The following RELN variants were observed in gnomAD, a reference collection of about 807,000 sequenced individuals.
RELN encodes reelin.
In RELN, 108 loss-of-function variants were observed where a neutral mutation model predicts 427.6. The ratio of observed to expected loss-of-function variants is 0.25; its 90% CI spans 0.22 to 0.30. The LOEUF (loss-of-function observed/expected upper bound fraction) is 0.30. RELN is among the 10% of genes least tolerant of loss of function. The pLI, the probability that RELN is intolerant of heterozygous loss-of-function variation, is 1.00. For synonymous variants in RELN, 1,524 were observed against 1,513.4 expected, an observed-to-expected ratio of 1.01 and a Z score of -0.16; for missense variants, 3,715 against 4,302.8, an observed-to-expected ratio of 0.86 and a Z score of 3.82.
At chr7:103,515,472 G>C in intron 49 of RELN, 31 bp from the exon 50 acceptor site, 1 of 1,609,602 alleles carries the variant, frequency 6.2e-7, no homozygotes, top group Non-Finnish European at 8.5e-7. Context: ...AGGGTGTGGG[G>C]AAGAACCCTT....
intron 60 of RELN, among the ~76,000 whole-genome samples, chr7:103,489,203 GGTGTGTGTGT>G (rs3051647): frequency 1.3e-4 from 19 of 147,868 alleles, no homozygotes; most frequent in South Asian, 2.1e-4. Context: ...GTCATAAAGG[GGTGTGTGTGT>G]GTGTGTGTGT....
At chr7:103,962,329 C>T (rs1796574269) in intron 1 of RELN, among the ~76,000 whole-genome samples, 1 of 152,276 alleles carries the variant, frequency 6.6e-6, no homozygotes, top group Non-Finnish European at 1.5e-5. Context: ...ACACGCAGCA[C>T]TTCAGAACTG....
intron 3 of RELN, among the ~76,000 whole-genome samples, chr7:103,812,949 A>G (rs545686465): frequency 1.3e-5 from 2 of 152,278 alleles, no homozygotes; most frequent in African/African-American, 2.4e-5. Flanking sequence ...TTTAAGCTCA[A>G]TTCTTTCCTA....
At chr7:103,571,883 T>C (rs1830889440) in intron 31 of RELN, among the ~76,000 whole-genome samples, 1 of 152,010 alleles carries the variant, frequency 6.6e-6, no homozygotes, top group Non-Finnish European at 1.5e-5. Context: ...TGCTATTGTT[T>C]TGGGATTTTT....
intron 1 of RELN, among the ~76,000 whole-genome samples, chr7:103,942,723 C>A (rs1434396665): frequency 6.6e-6 from 1 of 152,072 alleles, no homozygotes; most frequent in East Asian, 1.9e-4. Context: ...ACCATCCTGG[C>A]CAATATGGTG....
At chr7:103,900,155 C>CAG (rs1258533174) in intron 2 of RELN, among the ~76,000 whole-genome samples, 2 of 151,464 alleles carry the variant, frequency 1.3e-5, no homozygotes, top group Admixed American at 6.6e-5. Context: ...AAACCAATAA[C>CAG]ACAAACAGAA....
rs1220646500 is a variant in RELN, at chr7:103,802,613, C to T, written c.474-25986G>A. Among the ~76,000 whole-genome samples the T allele has an allele frequency of 2.0e-5, 3 of 152,016 alleles. No homozygotes were observed. The East Asian group carries it at 5.8e-4, about 29-fold the overall frequency. Reference sequence around the variant, plus strand: ...TTTTGAGAAGCATCTTGTTTAGTAGCAAAAGATAATATTAGCACTGTGCAT... The same window carrying T: ...TTTTGAGAAGCATCTTGTTTAGTAGTAAAAGATAATATTAGCACTGTGCAT... On this transcript the variant is annotated intron_variant, in intron 3 of 64. Coordinates refer to ENST00000428762, the MANE Select transcript of RELN (RefSeq NM_005045.4).
intron 12 of RELN, among the ~76,000 whole-genome samples, chr7:103,654,702 ATTTG>A (rs1832990187): frequency 6.6e-6 from 1 of 152,052 alleles, no homozygotes; most frequent in African/African-American, 2.4e-5. Context: ...TTTAAATGCA[ATTTG>A]TTTTACATTT....
chr7:103,752,566 C>T lies in RELN; in HGVS notation c.577+616G>A, dbSNP rs543346583. ...TAGGACTCCAGGTGCACAACCACCA[C>T]ACTGACTAATTTTTAACATTTTTTT... On this transcript the variant is annotated intron_variant, in intron 5 of 64. Transcript: ENST00000428762. 1.3e-3 allele frequency among the ~76,000 whole-genome samples: 195 copies of T among 151,940 alleles called. 1 individual carries two copies. Among genetic ancestry groups the T allele is most frequent in the Non-Finnish European group, 1.2e-3 (83 of 67,990 alleles).
intron 28 of RELN, among the ~76,000 whole-genome samples, chr7:103,582,119 T>A (rs1326516623): frequency 3.9e-5 from 6 of 152,198 alleles, no homozygotes; most frequent in African/African-American, 1.4e-4. Context: ...TCTGTTTTCC[T>A]CCCACTGGTT....
intron 4 of RELN, among the ~76,000 whole-genome samples, chr7:103,760,440 T>C (rs1791271271): frequency 6.6e-6 from 1 of 152,090 alleles, no homozygotes; most frequent in Non-Finnish European, 1.5e-5. Context: ...TGACTTATTT[T>C]GGATGGAAAT....
At chr7:103,521,000 C>T (rs1365009767) in intron 48 of RELN, among the ~76,000 whole-genome samples, 3 of 110,964 alleles carry the variant, frequency 2.7e-5, no homozygotes, top group African/African-American at 3.5e-5. Context: ...GACGGAGTCT[C>T]GCTCTGTCGC....
intron 3 of RELN, among the ~76,000 whole-genome samples, chr7:103,783,619 T>C (rs1791948040): frequency 6.6e-6 from 1 of 152,190 alleles, no homozygotes; most frequent in African/African-American, 2.4e-5. Flanking sequence ...AATCACAAAG[T>C]CTACCTGTCC....
chr7:103,891,878 ACTTT>A (rs1329542086), intron 2 of RELN, among the ~76,000 whole-genome samples: 2 of 152,078 alleles, frequency 1.3e-5, no homozygotes, highest in East Asian at 3.9e-4. Flanking sequence ...CACTCTGGAC[ACTTT>A]CTTTCCAGCA....
intron 42 of RELN, among the ~76,000 whole-genome samples, chr7:103,544,547 C>T (rs1406939081): frequency 6.6e-6 from 1 of 152,130 alleles, no homozygotes. Flanking sequence ...TTTAATCCCA[C>T]TACCCTAATA....
chr7:103,583,940 T>A (rs978184383), intron 28 of RELN, among the ~76,000 whole-genome samples: 11 of 152,186 alleles, frequency 7.2e-5, no homozygotes, highest in African/African-American at 2.2e-4. Flanking sequence ...AGGTCACTCA[T>A]GCCCCACTCC....
intron 2 of RELN, among the ~76,000 whole-genome samples, chr7:103,869,327 A>G (rs1355781603): frequency 6.6e-6 from 1 of 152,054 alleles, no homozygotes; most frequent in Non-Finnish European, 1.5e-5. Flanking sequence ...ACCCATTTTT[A>G]TACCATTTCC....
intron 10 of RELN, among the ~76,000 whole-genome samples, chr7:103,691,088 G>A (rs1430255081): frequency 6.6e-6 from 1 of 152,062 alleles, no homozygotes; most frequent in East Asian, 1.9e-4. Flanking sequence ...AGCTGATAGT[G>A]TTATACATCT....
In RELN at chr7:103,506,320, G is replaced by C. The variant is rs576381359; in HGVS notation, c.8275-3090C>G. ...AAGGGCAGCAAGAGAGAAAGGTCGG[G>C]TTACCCACAAAGGGAAGCCCATCAG... On this transcript the variant is annotated intron_variant, in intron 51 of 64. Coordinates refer to ENST00000428762, the MANE Select transcript of RELN (RefSeq NM_005045.4). Among the ~76,000 whole-genome samples, 4 of 152,258 alleles carry C rather than the reference G, an allele frequency of 2.6e-5. No individual in the cohort carries two copies. In the East Asian group the frequency reaches 7.7e-4, roughly 29 times the overall value.
Sources: allele counts gnomAD v4.1 joint callset (sites outside exome capture counted in the v4.1 genomes callset), GRCh38; gene constraint gnomAD v4.1.1; transcripts MANE v1.5; gene names NCBI Gene and HGNC (gene_info 2026-07-23, HGNC 2026-07-21).